The following SYNE2 variants were observed in gnomAD, a reference collection of about 807,000 sequenced individuals.
SYNE2 encodes the protein nesprin-2.
A neutral mutation model predicts 856.3 loss-of-function variants in SYNE2; 431 were observed. That is an observed-to-expected ratio of 0.50 (90% CI 0.47 to 0.55). The LOEUF (loss-of-function observed/expected upper bound fraction) is 0.55, where lower values mean the gene tolerates loss of function less well. Ranked by LOEUF, SYNE2 falls within the 20% of genes least tolerant of loss-of-function variation. The probability of loss-of-function intolerance (pLI) is 0.00; values close to 1 mark genes in which losing one functional copy is unlikely to be tolerated. For missense variants in SYNE2, 8,129 were observed against 8,023.2 expected, an observed-to-expected ratio of 1.01 and a Z score of -0.50; for synonymous variants, 2,923 against 2,872.3, an observed-to-expected ratio of 1.02 and a Z score of -0.56.
chr14:64,215,201 C>A, intron 106 of SYNE2, 85 bp from the exon 107 acceptor site: 1 of 1,228,250 alleles, frequency 8.1e-7, no homozygotes, highest in Non-Finnish European at 1.2e-6. Flanking sequence ...CTCCTTCCAG[C>A]TGACAATGTT....
intron 11 of SYNE2, among the ~76,000 whole-genome samples, chr14:63,970,497 C>G (rs1002309832): frequency 1.3e-5 from 2 of 152,110 alleles, no homozygotes; most frequent in African/African-American, 4.8e-5. Context: ...TGTGCCTAGC[C>G]TATCCCCTCT....
intron 45 of SYNE2, among the ~76,000 whole-genome samples, chr14:64,035,121 A>G (rs1224316546): frequency 6.6e-6 from 1 of 151,606 alleles, no homozygotes; most frequent in Non-Finnish European, 1.5e-5. Flanking sequence ...TTCTGAATTG[A>G]TTTTGTTCTT....
At chr14:64,222,315 GAT>G (rs2098698235) in intron 112 of SYNE2, among the ~76,000 whole-genome samples, 1 of 152,254 alleles carries the variant, frequency 6.6e-6, no homozygotes, top group Non-Finnish European at 1.5e-5. Context: ...TTTCTGAAGT[GAT>G]AGAGATGACC....
At chr14:63,827,488 G>A (rs1036659528) in intron 1 of SYNE2, among the ~76,000 whole-genome samples, 11 of 151,624 alleles carry the variant, frequency 7.3e-5, no homozygotes, top group Admixed American at 2.0e-4. Context: ...AGCCGGGTGT[G>A]GTGGCGCATG....
At position 64,100,531 on chromosome 14, in the gene SYNE2, AATATATATATATAT is replaced by A. The variant is rs1204839640; in HGVS notation, c.12382-1374_12382-1361del. ...AACTGTCTCAAAAAAAAAAAAAAAA[AATATATATATATAT>A]ATATATATATATATATATATATATA... On this transcript the variant is annotated intron_variant, in intron 63 of 115. Coordinates refer to ENST00000555002, the MANE Select transcript of SYNE2 (RefSeq NM_182914.3). Among the ~76,000 whole-genome samples the A allele has an allele frequency of 5.6e-4, 22 of 39,482 alleles. No homozygotes were observed. The East Asian group carries it at 7.1e-3, about 13-fold the overall frequency. The allele number at this position is 39,482 out of a possible 152,430, so 25.9% of individuals were successfully genotyped here. A position where few individuals can be genotyped will look rare whatever the true frequency, so the allele number is the denominator to read the frequency against.
In SYNE2 at chr14:63,837,918, C is replaced by CAAAAAA. The variant is rs34952817; in HGVS notation, c.-304-14564_-304-14559dup. Among the ~76,000 whole-genome samples the CAAAAAA allele has an allele frequency of 1.3e-4, 8 of 62,144 alleles. 1 individual carries two copies. Among genetic ancestry groups the CAAAAAA allele is most frequent in the African/African-American group, 2.0e-4 (3 of 14,702 alleles). The allele number at this position is 62,144 out of a possible 152,430, so 40.8% of individuals were successfully genotyped here. A position where few individuals can be genotyped will look rare whatever the true frequency, so the allele number is the denominator to read the frequency against. Reference sequence around the variant, plus strand: ...TGGATGACAAAGTGAGACTCTGTTTCAAAAAAAAAAAAAAAAAAAAAAAAG... The same window carrying CAAAAAA: ...TGGATGACAAAGTGAGACTCTGTTTCAAAAAAAAAAAAAAAAAAAAAAAAAAAAAAG... On this transcript the variant is annotated intron_variant, in intron 1 of 23. Coordinates refer to the SYNE2 transcript ENST00000674003.
At position 64,017,307 on chromosome 14, in the gene SYNE2, C is replaced by T. The variant is rs139814026; in HGVS notation, c.4888-288C>T. ...TCGCACCACTGCACTCCAGCCTGGG[C>T]GACAGAGCAAGACTCCATCTCAAAA... is the stretch of plus-strand genomic sequence containing the variant. On this transcript the variant is annotated intron_variant, in intron 33 of 115. Coordinates refer to ENST00000555002, the MANE Select transcript of SYNE2 (RefSeq NM_182914.3). Among the ~76,000 whole-genome samples, 430 of 110,258 alleles carry T rather than the reference C, an allele frequency of 3.9e-3. 1 individual carries two copies. The highest frequency in any genetic ancestry group is 0.015 in the African/African-American group (407 of 27,910). 72.3% of individuals were successfully genotyped at this position (110,258 alleles called of 152,430 possible). A position where few individuals can be genotyped will look rare whatever the true frequency, so the allele number is the denominator to read the frequency against.
intron 1 of SYNE2, among the ~76,000 whole-genome samples, chr14:63,824,827 A>T (rs947579881): frequency 4.6e-5 from 7 of 151,526 alleles, no homozygotes; most frequent in Non-Finnish European, 8.8e-5. Context: ...TTAAAAATTA[A>T]TTTTTTTTTA....
intron 10 of SYNE2, among the ~76,000 whole-genome samples, chr14:63,964,676 C>T (rs1361001470): frequency 6.6e-6 from 1 of 152,028 alleles, no homozygotes; most frequent in African/African-American, 2.4e-5. Flanking sequence ...AGGCATGTAC[C>T]GCCATGCCCA....
At chr14:63,965,051 C>T (rs1371070906) in intron 10 of SYNE2, among the ~76,000 whole-genome samples, 1 of 151,398 alleles carries the variant, frequency 6.6e-6, no homozygotes, top group Non-Finnish European at 1.5e-5. Flanking sequence ...CAACCTCTGC[C>T]TCCTGGGTTC....
chr14:63,990,375 T>C (rs1246589044), intron 19 of SYNE2, 36 bp from the exon 20 acceptor site: 2 of 1,601,234 alleles, frequency 1.2e-6, no homozygotes, highest in East Asian at 4.5e-5. Flanking sequence ...ATAATCAGAA[T>C]GTTTATTGTG....
At chr14:64,154,846 A>C (rs2098273004) in intron 85 of SYNE2, among the ~76,000 whole-genome samples, 1 of 152,132 alleles carries the variant, frequency 6.6e-6, no homozygotes, top group Non-Finnish European at 1.5e-5. Flanking sequence ...TCTGTAAAGA[A>C]GACAATACAA....
Position 64,049,896 on chromosome 14 carries a change from A to G in SYNE2, c.7643+20A>G. 6.2e-7 allele frequency: 1 copy of G among 1,612,618 alleles called. No homozygotes were observed. On this transcript the variant is annotated intron_variant, in intron 47 of 115. Coordinates refer to ENST00000555002, the MANE Select transcript of SYNE2 (RefSeq NM_182914.3). The stretch of plus-strand genomic sequence containing the variant: ...TAAAGTGTAAGTGTAAGAATTTAGG[A>G]CTTGCATTCTTTTTATTCAAGCACA...
intron 2 of SYNE2, among the ~76,000 whole-genome samples, chr14:63,935,390 C>T (rs1372045401): frequency 6.6e-6 from 1 of 152,192 alleles, no homozygotes; most frequent in Non-Finnish European, 1.5e-5. Context: ...AATCTCTAAT[C>T]AGTTGCAATA....
At chr14:64,164,296 G>A (rs929447835) in intron 89 of SYNE2, among the ~76,000 whole-genome samples, 10 of 152,010 alleles carry the variant, frequency 6.6e-5, no homozygotes, top group Non-Finnish European at 1.5e-4. Flanking sequence ...ATTTTTAGTA[G>A]AGACAGGGTT....
chr14:64,166,581 A>T (rs2098380739), intron 90 of SYNE2, among the ~76,000 whole-genome samples: 1 of 152,132 alleles, frequency 6.6e-6, no homozygotes, highest in African/African-American at 2.4e-5. Context: ...TCTGTGCTTG[A>T]CCTGTTTGTT....
intron 1 of SYNE2, among the ~76,000 whole-genome samples, chr14:63,836,068 CTG>C (rs1889850070): frequency 6.6e-6 from 1 of 152,058 alleles, no homozygotes; most frequent in Non-Finnish European, 1.5e-5. Flanking sequence ...CAGGGTCGCA[CTG>C]TGTCACTCAG....
At chr14:64,049,019 ATAAAAT>A (rs2097205783) in intron 46 of SYNE2, 1 of 152,208 alleles carries the variant, frequency 6.6e-6, no homozygotes, top group Non-Finnish European at 1.5e-5. Context: ...TATGTAAATA[ATAAAAT>A]TAAGATGAAT....
At chr14:64,219,124 TA>T in intron 109 of SYNE2, 83 bp from the exon 110 acceptor site, 3 of 845,406 alleles carry the variant, frequency 3.5e-6, no homozygotes, top group East Asian at 3.0e-5. Flanking sequence ...TTTTTTTTTT[TA>T]ACCACCCTGA....
Sources: allele counts gnomAD v4.1 joint callset (sites outside exome capture counted in the v4.1 genomes callset), GRCh38; gene constraint gnomAD v4.1.1; transcripts MANE v1.5; gene names NCBI Gene and HGNC (gene_info 2026-07-23, HGNC 2026-07-21).